Variants in TPRG1 observed in about 807,000 individuals in gnomAD.
TPRG1 encodes the protein tumor protein p63-regulated gene 1 protein.
TPRG1 carries 29 observed loss-of-function variants against 29.3 expected under a neutral mutation model. That is an observed-to-expected ratio of 0.99 (90% CI 0.74 to 1.35). The LOEUF is 1.35. Ranked by LOEUF, TPRG1 falls within the 40% of genes most tolerant of loss-of-function variation. The pLI, the probability that TPRG1 is intolerant of heterozygous loss-of-function variation, is 0.00. For synonymous variants in TPRG1, 130 were observed against 116.8 expected, an observed-to-expected ratio of 1.11 and a Z score of -0.73; for missense variants, 327 against 335.0, an observed-to-expected ratio of 0.98 and a Z score of 0.19.
intron 1 of TPRG1, among the ~76,000 whole-genome samples, chr3:189,199,118 G>A (rs1733034383): frequency 6.6e-6 from 1 of 152,124 alleles, no homozygotes; most frequent in Non-Finnish European, 1.5e-5. Context: ...AGCAGCTCTG[G>A]TCTATATGGA....
At chr3:189,219,052 C>A (rs961083612) in intron 3 of TPRG1, among the ~76,000 whole-genome samples, 1 of 152,122 alleles carries the variant, frequency 6.6e-6, no homozygotes, top group Non-Finnish European at 1.5e-5. Context: ...TGGCCCTCAA[C>A]CTTTCATCTA....
chr3:189,018,006 T>C (rs1466380980), intron 3 of TPRG1, among the ~76,000 whole-genome samples: 4 of 151,264 alleles, frequency 2.6e-5, no homozygotes, highest in African/African-American at 9.7e-5. Flanking sequence ...TTTCATGTGT[T>C]TTTTGGCTGC....
chr3:189,234,484 A>G (rs1220292308), intron 3 of TPRG1, among the ~76,000 whole-genome samples: 1 of 152,222 alleles, frequency 6.6e-6, no homozygotes, highest in African/African-American at 2.4e-5. Flanking sequence ...CGCAGGTAAC[A>G]TTCTGTATCC....
At chr3:189,316,975 T>TC (rs1480341360) in intron 5 of TPRG1, among the ~76,000 whole-genome samples, 7 of 152,060 alleles carry the variant, frequency 4.6e-5, no homozygotes, top group African/African-American at 1.4e-4. Flanking sequence ...AACCATGCCC[T>TC]CCCCTGGCTT....
chr3:189,009,998 A>G (rs1712510013), intron 3 of TPRG1, among the ~76,000 whole-genome samples: 1 of 152,000 alleles, frequency 6.6e-6, no homozygotes, highest in Non-Finnish European at 1.5e-5. Context: ...CCATGTGTTC[A>G]TGTGTTCTCA....
At chr3:189,154,476 C>G (rs1007711520) in intron 5 of TPRG1, among the ~76,000 whole-genome samples, 37 of 150,724 alleles carry the variant, frequency 2.5e-4, no homozygotes, top group African/African-American at 8.6e-4. Flanking sequence ...GAGTCTTGCA[C>G]TGTCACCCAG....
At chr3:189,236,307 T>C (rs557385832) in intron 3 of TPRG1, among the ~76,000 whole-genome samples, 1 of 152,336 alleles carries the variant, frequency 6.6e-6, no homozygotes, top group African/African-American at 2.4e-5. Context: ...AGTAAAACCA[T>C]TCAACCAAAA....
chr3:189,149,171 G>A (rs913035606), intron 4 of TPRG1, among the ~76,000 whole-genome samples: 4 of 152,054 alleles, frequency 2.6e-5, no homozygotes, highest in Admixed American at 2.6e-4. Flanking sequence ...ATATGACCTG[G>A]TCCCTGGCCC....
At chr3:189,224,295 A>G (rs1737366459) in intron 3 of TPRG1, among the ~76,000 whole-genome samples, 1 of 152,212 alleles carries the variant, frequency 6.6e-6, no homozygotes, top group Non-Finnish European at 1.5e-5. Flanking sequence ...ATCCTGGCCA[A>G]CATGGTGAAA....
At chr3:189,035,369 A>C (rs2152131613) in intron 4 of TPRG1, among the ~76,000 whole-genome samples, 1 of 152,132 alleles carries the variant, frequency 6.6e-6, no homozygotes, top group South Asian at 2.1e-4. Flanking sequence ...TCTGTACATC[A>C]CCTTGGAAAA....
At chr3:189,131,989 T>G (rs1296969672) in intron 2 of TPRG1, among the ~76,000 whole-genome samples, 1 of 152,216 alleles carries the variant, frequency 6.6e-6, no homozygotes, top group African/African-American at 2.4e-5. Context: ...GCTTTTCTTC[T>G]CTAGTCCTCA....
chr3:189,032,233 G>A (rs1365930073), intron 4 of TPRG1, among the ~76,000 whole-genome samples: 1 of 152,196 alleles, frequency 6.6e-6, no homozygotes, highest in African/African-American at 2.4e-5. Context: ...GATGACTGAA[G>A]CAGAGGTTGC....
At chr3:189,278,605 A>G (rs1363812490) in intron 4 of TPRG1, among the ~76,000 whole-genome samples, 1 of 152,234 alleles carries the variant, frequency 6.6e-6, no homozygotes, top group Non-Finnish European at 1.5e-5. Context: ...TAGGAAACCT[A>G]AACCTAAATT....
At chr3:189,000,178 G>C (rs913833659) in intron 1 of TPRG1, among the ~76,000 whole-genome samples, 2 of 152,030 alleles carry the variant, frequency 1.3e-5, no homozygotes, top group African/African-American at 4.8e-5. Context: ...GGAGTATTTG[G>C]ATTTTTCTTT....
intron 1 of TPRG1, among the ~76,000 whole-genome samples, chr3:189,206,189 GAAT>G (rs1734339955): frequency 1.5e-5 from 2 of 137,864 alleles, no homozygotes; most frequent in Non-Finnish European, 3.1e-5. Context: ...TAACAAATTG[GAAT>G]AATATTATTT....
intron 3 of TPRG1, among the ~76,000 whole-genome samples, chr3:189,009,998 A>C (rs1712510013): frequency 6.6e-6 from 1 of 152,000 alleles, no homozygotes; most frequent in African/African-American, 2.4e-5. Flanking sequence ...CCATGTGTTC[A>C]TGTGTTCTCA....
At position 189,208,737 on chromosome 3, in the gene TPRG1, A is replaced by G. The variant is rs558628104; in HGVS notation, c.210+1143A>G. On this transcript the variant is annotated intron_variant, in intron 2 of 5. Coordinates refer to ENST00000345063, the MANE Select transcript of TPRG1 (RefSeq NM_198485.4). ...GTATGTGAACTTTATTGAATATGCA[A>G]AGTTAAGCTGTGTGATATAGCTGCA... Among the ~76,000 whole-genome samples, 9 of 152,314 alleles carry G rather than the reference A, an allele frequency of 5.9e-5. No individual in the cohort carries two copies. In the South Asian group the frequency reaches 1.9e-3, roughly 32 times the overall value.
chr3:189,317,945 G>A (rs1298094915), intron 5 of TPRG1, among the ~76,000 whole-genome samples: 2 of 152,188 alleles, frequency 1.3e-5, no homozygotes, highest in Non-Finnish European at 2.9e-5. Context: ...AAGGAAAAAG[G>A]AGCTACTGCC....
chr3:189,015,225 T>C (rs1341160535), intron 3 of TPRG1, among the ~76,000 whole-genome samples: 1 of 152,172 alleles, frequency 6.6e-6, no homozygotes, highest in Non-Finnish European at 1.5e-5. Flanking sequence ...TAGGGATCTG[T>C]GGAACTTTGA....
Sources: allele counts gnomAD v4.1 joint callset (sites outside exome capture counted in the v4.1 genomes callset), GRCh38; gene constraint gnomAD v4.1.1; transcripts MANE v1.5; gene names NCBI Gene and HGNC (gene_info 2026-07-23, HGNC 2026-07-21).